The following RYR2 variants were observed in gnomAD, a reference collection of about 807,000 sequenced individuals.
RYR2 encodes the protein cardiac muscle ryanodine receptor-calcium release channel.
Under a neutral mutation model 601.1 loss-of-function variants are expected in RYR2, and 227 were observed. The ratio of observed to expected loss-of-function variants is 0.38; its 90% CI spans 0.34 to 0.42. The LOEUF is 0.42. Ranked by LOEUF, RYR2 falls within the 10% of genes least tolerant of loss-of-function variation. The pLI, the probability that RYR2 is intolerant of heterozygous loss-of-function variation, is 1.00. For missense variants in RYR2, 4,646 were observed against 6,156.5 expected (o/e 0.75, Z 8.21); for synonymous variants, 2,223 against 2,175.1 (o/e 1.02, Z -0.61).
Position 237,609,304 on chromosome 1 carries a change from CT to C in RYR2, c.4684-1451del, listed in dbSNP as rs1045321628. ...AGCTCACTACAACCTCTCTCTCTCTCTTTTTTTCTTTCTCTCTCCTTGCTTC... is the reference window on the plus strand; with the variant it reads ...AGCTCACTACAACCTCTCTCTCTCTCTTTTTTCTTTCTCTCTCCTTGCTTC... On this transcript the variant is annotated intron_variant, in intron 35 of 104. Coordinates refer to ENST00000366574, the MANE Select transcript of RYR2 (RefSeq NM_001035.3). Among the ~76,000 whole-genome samples the C allele has an allele frequency of 6.8e-5, 10 of 146,974 alleles. No homozygotes were observed. In the Admixed American group the frequency reaches 6.9e-4, roughly 10 times the overall value.
chr1:237,107,246 G>C (rs1376209912), intron 1 of RYR2, among the ~76,000 whole-genome samples: 1 of 152,010 alleles, frequency 6.6e-6, no homozygotes, highest in Non-Finnish European at 1.5e-5. Flanking sequence ...CCCCACTTAG[G>C]AGTTCTTGCT....
At chr1:237,163,355 A>ACCCCCCCCCCCCCCCCC (rs67343728) in intron 1 of RYR2, among the ~76,000 whole-genome samples, 2 of 90,276 alleles carry the variant, frequency 2.2e-5, no homozygotes, top group Admixed American at 1.1e-4. Context: ...CCAACCCCCT[A>ACCCCCCCCCCCCCCCCC]CCCCCCCCAC....
chr1:237,721,222 G>T (rs1026423394), intron 73 of RYR2, among the ~76,000 whole-genome samples: 5 of 152,106 alleles, frequency 3.3e-5, no homozygotes, highest in Non-Finnish European at 7.4e-5. Flanking sequence ...TAAGAGTACA[G>T]ATTAAAACCT....
intron 27 of RYR2, among the ~76,000 whole-genome samples, chr1:237,564,776 C>T (rs898412630): frequency 3.9e-5 from 6 of 152,170 alleles, no homozygotes; most frequent in Non-Finnish European, 8.8e-5. Flanking sequence ...CCAGCAGATT[C>T]AGTTAGTTCT....
intron 16 of RYR2, among the ~76,000 whole-genome samples, chr1:237,465,189 G>T (rs187554397): frequency 5.3e-5 from 8 of 151,632 alleles, no homozygotes; most frequent in Admixed American, 4.6e-4. Flanking sequence ...ATATATTTTC[G>T]TAGTATATTG....
chr1:237,605,014 T>G (rs1676950168), intron 35 of RYR2, among the ~76,000 whole-genome samples: 1 of 152,128 alleles, frequency 6.6e-6, no homozygotes, highest in South Asian at 2.1e-4. Flanking sequence ...CTGGTACCAT[T>G]CCTTCTGAAA....
At chr1:237,436,048 A>C (rs1197732726) in intron 12 of RYR2, among the ~76,000 whole-genome samples, 1 of 152,200 alleles carries the variant, frequency 6.6e-6, no homozygotes, top group Admixed American at 6.5e-5. Context: ...CATGGAAACT[A>C]GCTGTAGTTT....
chr1:237,760,054 A>C (rs183167909), intron 83 of RYR2, among the ~76,000 whole-genome samples: 1 of 152,178 alleles, frequency 6.6e-6, no homozygotes, highest in Admixed American at 6.5e-5. Flanking sequence ...ACAGAATGGT[A>C]ATAATGTCTT....
intron 66 of RYR2, among the ~76,000 whole-genome samples, chr1:237,702,530 G>A (rs1398945435): frequency 6.6e-6 from 1 of 152,074 alleles, no homozygotes; most frequent in Admixed American, 6.5e-5. Flanking sequence ...GGCAACTTTA[G>A]TAAGAAATTT....
intron 1 of RYR2, among the ~76,000 whole-genome samples, chr1:237,206,675 T>C (rs545543969): frequency 1.4e-4 from 22 of 152,354 alleles, no homozygotes; most frequent in South Asian, 4.1e-4. Flanking sequence ...CTTTAATTTA[T>C]GAACTTAATT....
intron 12 of RYR2, among the ~76,000 whole-genome samples, chr1:237,424,529 C>T (rs190205693): frequency 1.1e-3 from 161 of 152,146 alleles, no homozygotes; most frequent in African/African-American, 3.6e-3. Flanking sequence ...TGTTAAGTAC[C>T]ATGTATAATA....
intron 37 of RYR2, among the ~76,000 whole-genome samples, chr1:237,616,068 G>A (rs987520949): frequency 1.3e-5 from 2 of 152,138 alleles, no homozygotes; most frequent in Non-Finnish European, 2.9e-5. Context: ...TGTCTGGTTA[G>A]TCAGGAGGCT....
intron 1 of RYR2, among the ~76,000 whole-genome samples, chr1:237,211,620 G>A (rs1682581736): frequency 6.6e-6 from 1 of 152,124 alleles, no homozygotes; most frequent in Non-Finnish European, 1.5e-5. Context: ...CTTTCCAGAA[G>A]GAAATTTCAT....
chr1:237,069,435 A>C (rs569864795), intron 1 of RYR2, among the ~76,000 whole-genome samples: 1 of 152,252 alleles, frequency 6.6e-6, no homozygotes, highest in African/African-American at 2.4e-5. Flanking sequence ...TTGGACATTT[A>C]TAGCTTATAC....
intron 90 of RYR2, 42 bp from the exon 91 acceptor site, chr1:237,785,927 A>G: frequency 2.2e-6 from 3 of 1,366,028 alleles, no homozygotes; most frequent in Non-Finnish European, 3.1e-6. Context: ...TTCAAAGGTG[A>G]TGGGTAATCC....
intron 1 of RYR2, among the ~76,000 whole-genome samples, chr1:237,082,558 A>ATATATATATATATATATAT (rs1558200818): frequency 8.3e-5 from 2 of 24,166 alleles, no homozygotes; most frequent in African/African-American, 1.3e-4. Flanking sequence ...TATATATATA[A>ATATATATATATATATATAT]AATCGGATAT....
chr1:237,576,963 A>G (rs886545868), intron 29 of RYR2, among the ~76,000 whole-genome samples: 1 of 152,172 alleles, frequency 6.6e-6, no homozygotes, highest in African/African-American at 2.4e-5. Context: ...GACAATACTC[A>G]GCATTGGAGA....
intron 42 of RYR2, among the ~76,000 whole-genome samples, chr1:237,632,595 G>A (rs978080327): frequency 3.3e-5 from 5 of 151,184 alleles, no homozygotes; most frequent in Admixed American, 6.6e-5. Flanking sequence ...ATGGGGTTTC[G>A]CCATGTTAGC....
At chr1:237,719,075 A>T (rs1454844482) in intron 73 of RYR2, among the ~76,000 whole-genome samples, 3 of 152,136 alleles carry the variant, frequency 2.0e-5, no homozygotes, top group South Asian at 2.1e-4. Context: ...CCTGGGCAAC[A>T]TGGCAAAACC....
Sources: allele counts gnomAD v4.1 joint callset (sites outside exome capture counted in the v4.1 genomes callset), GRCh38; gene constraint gnomAD v4.1.1; transcripts MANE v1.5; gene names NCBI Gene and HGNC (gene_info 2026-07-23, HGNC 2026-07-21).